BHLHA15: variants seen among roughly 807,000 people sequenced by gnomAD.
The protein encoded by BHLHA15 is class A basic helix-loop-helix protein 15.
A neutral mutation model predicts 10.4 loss-of-function variants in BHLHA15; 7 were observed. The ratio of observed to expected loss-of-function variants is 0.67; its 90% CI spans 0.38 to 1.26. The LOEUF (loss-of-function observed/expected upper bound fraction) is 1.26. BHLHA15 is among the 50% of genes most tolerant of loss of function. The pLI is 0.02. For missense variants in BHLHA15, 289 were observed against 287.4 expected, an observed-to-expected ratio of 1.01 and a Z score of -0.04; for synonymous variants, 140 against 131.5, an observed-to-expected ratio of 1.06 and a Z score of -0.44.
chr7:98,212,136 G>A (rs1219189313), intron 1 of BHLHA15, 120 bp from the exon 2 acceptor site: 10 of 529,836 alleles, frequency 1.9e-5, no homozygotes, highest in African/African-American at 1.2e-4. Context: ...GTCGCAGAGC[G>A]CCAACCCCTG....
At position 98,213,570 on chromosome 7, in the gene BHLHA15, A is replaced by C. The variant is rs1797941022; in HGVS notation, c.*691A>C. Among the ~76,000 whole-genome samples the C allele has an allele frequency of 6.6e-6, 1 of 152,050 alleles. No individual in the cohort carries two copies. Among genetic ancestry groups the C allele is most frequent in the South Asian group, 2.1e-4 (1 of 4,830 alleles). On this transcript the variant is annotated 3_prime_UTR_variant, in exon 2 of 2. Transcript: ENST00000609256. ...GACTCCAGGCTGTGCCTGGTTGTGG[A>C]GGGTCTGGGGCAGGGTGTGAGGGGT...
In BHLHA15 at chr7:98,213,777, A is replaced by T. The variant is rs1297963829; in HGVS notation, c.*898A>T. On this transcript the variant is annotated 3_prime_UTR_variant, in exon 2 of 2. Coordinates refer to ENST00000609256, the MANE Select transcript of BHLHA15 (RefSeq NM_177455.4). ...CCAGCCCCTGCCACCGCCGTTACTT[A>T]TTCTCACTGATGTGGGGTTATCATA... Among the ~76,000 whole-genome samples, 1 of 152,154 alleles carries T rather than the reference A, an allele frequency of 6.6e-6. No individual in the cohort carries two copies. Among genetic ancestry groups the T allele is most frequent in the African/African-American group, 2.4e-5 (1 of 41,428 alleles).
In BHLHA15 at chr7:98,212,547, A is replaced by G; in HGVS notation, c.238A>G (p.Ser80Gly). ...RDSSIQRRLE[S>G]NERERQRMHK... is the part of the protein sequence containing the mutation. The stretch of plus-strand genomic sequence containing the variant: ...CAGCAGCATCCAGCGGCGGCTGGAG[A>G]GCAACGAGAGGGAGCGGCAGCGGAT... The change falls in exon 2 of 2, where the codon AGC becomes GGC. Residue 80 changes from serine to glycine, a missense_variant. Coordinates refer to ENST00000609256, the MANE Select transcript of BHLHA15 (RefSeq NM_177455.4). 1.3e-6 allele frequency: 2 copies of G among 1,597,120 alleles called. No homozygotes were observed. The highest frequency in any genetic ancestry group is 1.7e-6 in the Non-Finnish European group (2 of 1,174,444).
chr7:98,211,672 C>T (rs1797908097), intron 1 of BHLHA15, among the ~76,000 whole-genome samples, 174 bp downstream of exon 1: 2 of 152,136 alleles, frequency 1.3e-5, no homozygotes, highest in Admixed American at 6.5e-5. Context: ...GGGCTGCCGC[C>T]AGGCCCTGGC....
In BHLHA15 at chr7:98,212,489, G is replaced by A. The variant is rs1202774596; in HGVS notation, c.180G>A (p.Arg60=). 6.4e-7 allele frequency: 1 copy of A among 1,561,472 alleles called. No individual in the cohort carries two copies. The highest frequency in any genetic ancestry group is 2.4e-5 in the East Asian group (1 of 42,342). The stretch of plus-strand genomic sequence containing the variant: ...CTCCGGGCGAGGGCAGGCGCAGGCG[G>A]CCAGGACCCTCCGGGCCCGGTGGCC... ...ARAPGEGRRR[R]PGPSGPGGRR... The change falls in exon 2 of 2, where the codon CGG becomes CGA. Residue 60 remains arginine (R), a synonymous_variant. Coordinates refer to ENST00000609256, the MANE Select transcript of BHLHA15 (RefSeq NM_177455.4).
rs1420656350 is a variant in BHLHA15, at chr7:98,212,686, C to G, written c.377C>G (p.Ser126Trp). 1 of 1,574,012 alleles carries G rather than the reference C, an allele frequency of 6.4e-7. No homozygotes were observed. Among genetic ancestry groups the G allele is most frequent in the Admixed American group, 1.9e-5 (1 of 52,730 alleles). Reference sequence around the variant, plus strand: ...ACGCTGGCCAAGAACTACATCAAATCGCTGACGGCCACCATCCTGACCATG... The same window carrying G: ...ACGCTGGCCAAGAACTACATCAAATGGCTGACGGCCACCATCCTGACCATG... ...TLTLAKNYIKSLTATILTMSS... is the reference protein window; with the variant it reads ...TLTLAKNYIKWLTATILTMSS... The change falls in exon 2 of 2, where the codon TCG becomes TGG. Residue 126 changes from serine (S) to tryptophan (W), a missense_variant. Coordinates refer to ENST00000609256, the MANE Select transcript of BHLHA15 (RefSeq NM_177455.4).
At chr7:98,211,541 G>A (rs1455275660) in intron 1 of BHLHA15, 43 bp downstream of exon 1, 3 of 150,978 alleles carry the variant, frequency 2.0e-5, no homozygotes, top group Admixed American at 6.6e-5. Flanking sequence ...GCGGGGAGGG[G>A]ACCCAGGGGC....
chr7:98,212,245 C>A lies in BHLHA15; in HGVS notation c.-54-11C>A. 7.7e-7 allele frequency: 1 copy of A among 1,298,210 alleles called. No homozygotes were observed. Among genetic ancestry groups the A allele is most frequent in the Non-Finnish European group, 9.9e-7 (1 of 1,014,708 alleles). 80.4% of individuals were successfully genotyped at this position (1,298,210 alleles called of 1,614,324 possible). The stretch of plus-strand genomic sequence containing the variant: ...GGGTGACCACAGAGTGTCCTGTGTT[C>A]TGGATTTCAGCTCCAAGGGCCTCAC... On this transcript the variant is annotated splice_polypyrimidine_tract_variant and intron_variant, in intron 1 of 1. Coordinates refer to ENST00000609256, the MANE Select transcript of BHLHA15 (RefSeq NM_177455.4).
chr7:98,212,270 C>T lies in BHLHA15; in HGVS notation c.-40C>T. 2 of 1,318,776 alleles carry T rather than the reference C, an allele frequency of 1.5e-6. No individual in the cohort carries two copies. The highest frequency in any genetic ancestry group is 1.9e-6 in the Non-Finnish European group (2 of 1,030,404). 81.7% of individuals were successfully genotyped at this position (1,318,776 alleles called of 1,614,324 possible). ...CTGGATTTCAGCTCCAAGGGCCTCA[C>T]CTTCCTGCCGCCACCTCCTAGGACA... On this transcript the variant is annotated 5_prime_UTR_variant, in exon 2 of 2. Transcript: ENST00000609256.
Position 98,212,420 on chromosome 7 carries a change from G to A in BHLHA15, c.111G>A (p.Pro37=), listed in dbSNP as rs575048167. The stretch of plus-strand genomic sequence containing the variant: ...CCCTGCCGAACCCGGGGCCAGAGCC[G>A]GCCAAGGGTCTGCGGAGCCGGCCGG... ...DGSLPNPGPE[P]AKGLRSRPAR... Residue 37 remains proline (P), a synonymous_variant, in exon 2 of 2, where the codon CCG becomes CCA. Transcript: ENST00000609256. The A allele has an allele frequency of 7.7e-4, 1,165 of 1,511,566 alleles. 5 individuals are homozygous for A. Among genetic ancestry groups the A allele is most frequent in the Non-Finnish European group, 8.5e-4 (963 of 1,131,402 alleles). The allele number at this position is 1,511,566 out of a possible 1,614,324, so 93.6% of individuals were successfully genotyped here. A position where few individuals can be genotyped will look rare whatever the true frequency, so the allele number is the denominator to read the frequency against.
rs1450482695 is a variant in BHLHA15, at chr7:98,212,537, G to A, written c.228G>A (p.Arg76=). ...GCCGTCGTGACAGCAGCATCCAGCG[G>A]CGGCTGGAGAGCAACGAGAGGGAGC... ...PGGRRDSSIQ[R]RLESNERERQ... The change falls in exon 2 of 2, where the codon CGG becomes CGA. Residue 76 remains arginine (R), a synonymous_variant. Coordinates refer to ENST00000609256, the MANE Select transcript of BHLHA15 (RefSeq NM_177455.4). The A allele has an allele frequency of 3.1e-6, 5 of 1,593,940 alleles. No homozygotes were observed. The African/African-American group carries it at 5.3e-5, about 17-fold the overall frequency.
At chr7:98,211,607 G>A (rs1198533322) in intron 1 of BHLHA15, 109 bp downstream of exon 1, 1 of 152,276 alleles carries the variant, frequency 6.6e-6, no homozygotes, top group Non-Finnish European at 1.5e-5. Context: ...ACCCGGGTGG[G>A]GGACTTCTGG....
At chr7:98,211,606 G>A (rs1374177331) in intron 1 of BHLHA15, 108 bp downstream of exon 1, 1 of 152,258 alleles carries the variant, frequency 6.6e-6, no homozygotes, top group Non-Finnish European at 1.5e-5. Flanking sequence ...AACCCGGGTG[G>A]GGGACTTCTG....
rs780681726 is a variant in BHLHA15 at position 98,214,126 on chromosome 7, C to A, written c.*1247C>A. Among the ~76,000 whole-genome samples, 2 of 152,244 alleles carry A rather than the reference C, an allele frequency of 1.3e-5. No homozygotes were observed. Among genetic ancestry groups the A allele is most frequent in the Admixed American group, 6.5e-5 (1 of 15,288 alleles). ...CGGGCCAGGGATGTGGCTGCCACAG[C>A]TGAGACCAAGGGCTCTGGCTGGCCC... On this transcript the variant is annotated 3_prime_UTR_variant, in exon 2 of 2. Coordinates refer to ENST00000609256, the MANE Select transcript of BHLHA15 (RefSeq NM_177455.4).
At chr7:98,211,700 C>T (rs1397755752) in intron 1 of BHLHA15, among the ~76,000 whole-genome samples, 1 of 152,062 alleles carries the variant, frequency 6.6e-6, no homozygotes, top group Non-Finnish European at 1.5e-5. Context: ...GACCTCTGAC[C>T]TCCACGGCTG....
chr7:98,211,791 T>C (rs1286247945), intron 1 of BHLHA15, among the ~76,000 whole-genome samples: 3 of 152,094 alleles, frequency 2.0e-5, no homozygotes, highest in Admixed American at 6.5e-5. Context: ...CCTGCACGTG[T>C]CACGTCCAGC....
chr7:98,211,461 C>G lies in BHLHA15; in HGVS notation c.-92C>G, dbSNP rs1797903443. ...GCTAAAGCGACGTGTCCTTGTCCCC[C>G]GTGGGCAGCCTCGGCGCGTGTGGCC... On this transcript the variant is annotated 5_prime_UTR_variant, in exon 1 of 2. Transcript: ENST00000609256. 1 of 152,090 alleles carries G rather than the reference C, an allele frequency of 6.6e-6. No individual in the cohort carries two copies. The highest frequency in any genetic ancestry group is 2.4e-5 in the African/African-American group (1 of 41,406). 9.4% of individuals were successfully genotyped at this position (152,090 alleles called of 1,614,324 possible).
In BHLHA15 at chr7:98,213,008, A is replaced by T. The variant is rs1415193152; in HGVS notation, c.*129A>T. 2.9e-5 allele frequency: 26 copies of T among 884,424 alleles called. No homozygotes were observed. The highest frequency in any genetic ancestry group is 4.1e-5 in the Non-Finnish European group (25 of 612,506). 54.8% of individuals were successfully genotyped at this position (884,424 alleles called of 1,614,324 possible). On this transcript the variant is annotated 3_prime_UTR_variant, in exon 2 of 2. Transcript: ENST00000609256. The stretch of plus-strand genomic sequence containing the variant: ...ACAAGGACACGGCCTCAGCGGTTCC[A>T]TTTTCCCCCGAACATTCAGCCACTT...
rs546987471 is a variant in BHLHA15, at chr7:98,212,023, G to A, written c.-54-233G>A. 2.6e-5 allele frequency among the ~76,000 whole-genome samples: 4 copies of A among 152,290 alleles called. No individual in the cohort carries two copies. The East Asian group carries it at 7.7e-4, about 29-fold the overall frequency. ...TGAGTCATCCTGGGGGAAGGGGGAC[G>A]CAGGGACAGGGACAGATTCCAGAGG... On this transcript the variant is annotated intron_variant, in intron 1 of 1. Transcript: ENST00000609256.
Sources: gnomAD v4.1 joint callset for allele counts (sites outside exome capture counted in the v4.1 genomes callset) on GRCh38, gnomAD v4.1.1 for gene constraint, MANE v1.5 for transcripts, NCBI Gene and HGNC (gene_info 2026-07-23, HGNC 2026-07-21) for gene names.